TRPS1: variants seen among roughly 807,000 people sequenced by gnomAD.
TRPS1 encodes zinc finger transcription factor Trps1.
A neutral mutation model predicts 101.2 loss-of-function variants in TRPS1; 6 were observed. The observed-to-expected ratio is 0.06, with a 90% CI of 0.03 to 0.12. TRPS1 has a LOEUF of 0.12. Ranked by LOEUF, TRPS1 falls within the 10% of genes least tolerant of loss-of-function variation. TRPS1 has a pLI of 1.00. For missense variants in TRPS1, 1,363 were observed against 1,567.0 expected (o/e 0.87, Z 2.20); for synonymous variants, 578 against 589.8 (o/e 0.98, Z 0.29).
chr8:115,553,929 C>T (rs1816758338), intron 5 of TRPS1, among the ~76,000 whole-genome samples: 1 of 152,096 alleles, frequency 6.6e-6, no homozygotes, highest in African/African-American at 2.4e-5. Flanking sequence ...TATTATCAGG[C>T]TCTGATAGCT....
chr8:115,482,252 T>A (rs1386970679), intron 5 of TRPS1, among the ~76,000 whole-genome samples: 1 of 152,210 alleles, frequency 6.6e-6, no homozygotes, highest in Non-Finnish European at 1.5e-5. Flanking sequence ...AATATGTGTA[T>A]GTTTAGTTGT....
intron 5 of TRPS1, among the ~76,000 whole-genome samples, chr8:115,558,062 T>C (rs149536066): frequency 4.7e-4 from 72 of 151,802 alleles, no homozygotes; most frequent in African/African-American, 1.5e-3. Context: ...ACGAGGACAG[T>C]TCTAAGCTCA....
chr8:115,587,636 C>G, intron 4 of TRPS1, 32 bp from the exon 5 acceptor site: 1 of 1,613,420 alleles, frequency 6.2e-7, no homozygotes, highest in Non-Finnish European at 8.5e-7. Flanking sequence ...ACTGCAAAGA[C>G]AGCGTTCTGA....
chr8:115,504,909 A>C (rs1225448660), intron 5 of TRPS1, among the ~76,000 whole-genome samples: 2 of 152,170 alleles, frequency 1.3e-5, no homozygotes, highest in Non-Finnish European at 2.9e-5. Context: ...TCACAGGATA[A>C]CATTTTATTT....
chr8:115,645,593 G>A (rs1231899912), intron 1 of TRPS1, among the ~76,000 whole-genome samples: 2 of 152,144 alleles, frequency 1.3e-5, no homozygotes, highest in Non-Finnish European at 2.9e-5. Flanking sequence ...CTCATTTTGA[G>A]GAAGAGGAAA....
At chr8:115,504,343 T>C (rs1244374678) in intron 5 of TRPS1, among the ~76,000 whole-genome samples, 1 of 152,118 alleles carries the variant, frequency 6.6e-6, no homozygotes, top group Admixed American at 6.5e-5. Context: ...GGTTGCAAAT[T>C]CTATATTTGC....
chr8:115,511,390 A>C (rs1815579553), intron 5 of TRPS1: 1 of 152,088 alleles, frequency 6.6e-6, no homozygotes, highest in East Asian at 1.9e-4. Context: ...GTTTTGGTCC[A>C]TGCAAAAATG....
intron 1 of TRPS1, among the ~76,000 whole-genome samples, chr8:115,662,790 C>T (rs1489659646): frequency 1.3e-5 from 2 of 150,834 alleles, no homozygotes; most frequent in African/African-American, 2.4e-5. Context: ...CCTGTAGAAA[C>T]GCACTGACCC....
intron 5 of TRPS1, among the ~76,000 whole-genome samples, chr8:115,481,263 C>T (rs1814744962): frequency 6.6e-6 from 1 of 152,070 alleles, no homozygotes; most frequent in African/African-American, 2.4e-5. Context: ...AATTAAGAAG[C>T]AAACGCAAAC....
At chr8:115,446,727 T>G (rs374240173) in intron 5 of TRPS1, among the ~76,000 whole-genome samples, 7 of 152,170 alleles carry the variant, frequency 4.6e-5, no homozygotes, top group Admixed American at 4.6e-4. Flanking sequence ...ATAACAATCA[T>G]GAACCCAGAA....
rs138006854 is a variant in TRPS1, at chr8:115,647,907, CA to C, written c.-122+20637del. On this transcript the variant is annotated intron_variant, in intron 1 of 6. Coordinates refer to ENST00000395715, the MANE Select transcript of TRPS1 (RefSeq NM_014112.5). The stretch of plus-strand genomic sequence containing the variant: ...ATTAGTGCTTAATTTTAATATGTGA[CA>C]AAAAAAAAAGCATGACTTTTTGATA... 3.8e-4 allele frequency among the ~76,000 whole-genome samples: 55 copies of C among 144,054 alleles called. 1 individual carries two copies. Among genetic ancestry groups the C allele is most frequent in the East Asian group, 1.8e-3 (9 of 4,966 alleles). 94.5% of individuals were successfully genotyped at this position (144,054 alleles called of 152,430 possible).
chr8:115,423,013 T>G (rs1813105279), intron 5 of TRPS1, among the ~76,000 whole-genome samples: 1 of 152,156 alleles, frequency 6.6e-6, no homozygotes, highest in African/African-American at 2.4e-5. Context: ...GGAAGACTGC[T>G]CACTCACACA....
At chr8:115,583,637 T>G (rs1007665812) in intron 5 of TRPS1, among the ~76,000 whole-genome samples, 4 of 152,000 alleles carry the variant, frequency 2.6e-5, no homozygotes, top group African/African-American at 9.7e-5. Context: ...CTCAAAAATT[T>G]TGTAGAAATA....
chr8:115,450,238 A>T (rs1269328288), intron 5 of TRPS1, among the ~76,000 whole-genome samples: 2 of 152,210 alleles, frequency 1.3e-5, no homozygotes, highest in Non-Finnish European at 2.9e-5. Context: ...GCAGCCTGGG[A>T]AACATCTGTT....
chr8:115,473,412 A>C (rs1233881309), intron 5 of TRPS1, among the ~76,000 whole-genome samples: 1 of 152,188 alleles, frequency 6.6e-6, no homozygotes, highest in African/African-American at 2.4e-5. Flanking sequence ...CCTATGATTC[A>C]ATTACCTCCC....
chr8:115,454,444 G>T (rs1813963805), intron 5 of TRPS1, among the ~76,000 whole-genome samples: 1 of 152,206 alleles, frequency 6.6e-6, no homozygotes, highest in East Asian at 1.9e-4. Context: ...TTCCACAAGA[G>T]AATTTGAACC....
At chr8:115,581,076 G>C (rs925014000) in intron 5 of TRPS1, among the ~76,000 whole-genome samples, 3 of 151,760 alleles carry the variant, frequency 2.0e-5, no homozygotes, top group African/African-American at 7.3e-5. Context: ...CATAAAAAAA[G>C]AATAAAATTC....
intron 1 of TRPS1, among the ~76,000 whole-genome samples, chr8:115,635,408 T>C (rs1818745624): frequency 6.6e-6 from 1 of 152,158 alleles, no homozygotes; most frequent in Admixed American, 6.6e-5. Flanking sequence ...TAACTGATGC[T>C]CCTAAGTCAA....
Position 115,581,000 on chromosome 8 carries a change from G to T in TRPS1, c.2700+6001C>A, listed in dbSNP as rs1350034735. Among the ~76,000 whole-genome samples the T allele has an allele frequency of 2.0e-5, 3 of 152,012 alleles. No individual in the cohort carries two copies. The East Asian group carries it at 5.8e-4, about 29-fold the overall frequency. On this transcript the variant is annotated intron_variant, in intron 5 of 6. Transcript: ENST00000395715. ...ATAATCAAGATACGGAATCAGCCTA[G>T]GTGTCCAACGACAGATAAATGAATA...
Sources: allele counts gnomAD v4.1 joint callset (sites outside exome capture counted in the v4.1 genomes callset), GRCh38; gene constraint gnomAD v4.1.1; transcripts MANE v1.5; gene names NCBI Gene and HGNC (gene_info 2026-07-23, HGNC 2026-07-21).